Variants in SMURF1 observed in about 807,000 individuals in gnomAD.
SMURF1 encodes the protein E3 ubiquitin-protein ligase SMURF1.
In SMURF1, 44 loss-of-function variants were observed where a neutral mutation model predicts 98.0. That is an observed-to-expected ratio of 0.45 (90% CI 0.35 to 0.58). SMURF1 has a LOEUF of 0.58. SMURF1 is among the 20% of genes least tolerant of loss of function. The probability of loss-of-function intolerance (pLI) is 0.00; values close to 1 mark genes in which losing one functional copy is unlikely to be tolerated. For synonymous variants in SMURF1, 396 were observed against 374.9 expected (o/e 1.06, Z -0.65); for missense variants, 687 against 938.4 (o/e 0.73, Z 3.50).
intron 1 of SMURF1, among the ~76,000 whole-genome samples, chr7:99,074,429 A>T (rs192906105): frequency 1.3e-5 from 2 of 152,352 alleles, no homozygotes; most frequent in Admixed American, 6.5e-5. Flanking sequence ...TGATGGGGGA[A>T]AAAAGATAGC....
chr7:99,086,316 A>C (rs995048977), intron 1 of SMURF1, among the ~76,000 whole-genome samples: 3 of 151,998 alleles, frequency 2.0e-5, no homozygotes, highest in African/African-American at 7.3e-5. Context: ...ATTGCACTCC[A>C]GTCTGGGCAA....
chr7:99,032,704 A>T (rs2150489986), intron 17 of SMURF1, among the ~76,000 whole-genome samples: 1 of 152,338 alleles, frequency 6.6e-6, no homozygotes, highest in Non-Finnish European at 1.5e-5. Flanking sequence ...ATCTATATTT[A>T]AATTTTAGGT....
intron 1 of SMURF1, among the ~76,000 whole-genome samples, chr7:99,120,458 C>T (rs1022362810): frequency 2.6e-5 from 4 of 152,120 alleles, no homozygotes; most frequent in Non-Finnish European, 5.9e-5. Flanking sequence ...CCCTCAGAGT[C>T]GTGATTGTTT....
intron 10 of SMURF1, 158 bp downstream of exon 10, chr7:99,047,526 A>C: frequency 1.4e-6 from 1 of 724,454 alleles, no homozygotes. Flanking sequence ...AATACCTCAA[A>C]TACCAAACAG....
chr7:99,065,917 G>A (rs1471731662), intron 1 of SMURF1, among the ~76,000 whole-genome samples: 5 of 152,068 alleles, frequency 3.3e-5, no homozygotes, highest in African/African-American at 9.7e-5. Flanking sequence ...GTGGAGGTGC[G>A]TGCCTGTAGT....
intron 1 of SMURF1, among the ~76,000 whole-genome samples, chr7:99,067,448 C>T (rs1269501172): frequency 6.6e-6 from 1 of 152,122 alleles, no homozygotes; most frequent in Non-Finnish European, 1.5e-5. Flanking sequence ...CCCTGAAGCA[C>T]CCCTCTACCT....
chr7:99,040,449 C>G lies in SMURF1; in HGVS notation c.1479G>C (p.Leu493=), dbSNP rs755789629. 6.3e-7 allele frequency: 1 copy of G among 1,595,378 alleles called. No homozygotes were observed. Among genetic ancestry groups the G allele is most frequent in the East Asian group, 2.3e-5 (1 of 43,398 alleles). ...GATCTGAGAGCTGGATGGGCTTCCCCAGCAGCTGCTTGTAGAAGGGCACTG... is the reference window on the plus strand; with the variant it reads ...GATCTGAGAGCTGGATGGGCTTCCCGAGCAGCTGCTTGTAGAAGGGCACTG... ...GFTVPFYKQL[L]GKPIQLSDLE... The change falls in exon 13 of 18, where the codon CTG becomes CTC. Residue 493 remains leucine (L), a synonymous_variant. Coordinates refer to ENST00000361368, the MANE Select transcript of SMURF1 (RefSeq NM_181349.3).
chr7:99,128,405 C>T (rs927760461), intron 1 of SMURF1, among the ~76,000 whole-genome samples: 4 of 151,790 alleles, frequency 2.6e-5, no homozygotes, highest in East Asian at 1.9e-4. Context: ...CAAGCCTTTA[C>T]AAAAAAAACA....
At chr7:99,111,954 G>A (rs530469495) in intron 1 of SMURF1, among the ~76,000 whole-genome samples, 1 of 152,310 alleles carries the variant, frequency 6.6e-6, no homozygotes, top group East Asian at 1.9e-4. Flanking sequence ...TACAGGGGAG[G>A]AGAGGTGGGG....
intron 1 of SMURF1, among the ~76,000 whole-genome samples, chr7:99,073,336 G>A (rs1025919236): frequency 6.7e-6 from 1 of 149,066 alleles, no homozygotes; most frequent in East Asian, 2.0e-4. Flanking sequence ...TCCAGATCAC[G>A]CAACTGCACT....
At chr7:99,069,001 T>A (rs991414166) in intron 1 of SMURF1, among the ~76,000 whole-genome samples, 1 of 152,204 alleles carries the variant, frequency 6.6e-6, no homozygotes, top group African/African-American at 2.4e-5. Flanking sequence ...AAGGACAATG[T>A]AAGCGGGGTT....
chr7:99,046,789 A>G (rs1201233051), intron 10 of SMURF1, among the ~76,000 whole-genome samples: 2 of 152,044 alleles, frequency 1.3e-5, no homozygotes. Context: ...CCAAGAGGGA[A>G]AGAGGAAACG....
At chr7:99,039,292 C>G (rs1795279221) in intron 13 of SMURF1, among the ~76,000 whole-genome samples, 1 of 150,782 alleles carries the variant, frequency 6.6e-6, no homozygotes, top group Non-Finnish European at 1.5e-5. Context: ...AAAGTGAAAA[C>G]TAGCTCTTGA....
chr7:99,113,837 TAAAAAAAAAAAAAAAAAA>T (rs71118659), intron 1 of SMURF1, among the ~76,000 whole-genome samples: 1 of 33,974 alleles, frequency 2.9e-5, no homozygotes, highest in Non-Finnish European at 4.7e-5. Flanking sequence ...AGACTCCGTC[TAAAAAAAAAAAAAAAAAA>T]AAAAAAAAAA....
chr7:99,034,183 C>T (rs3801241), intron 16 of SMURF1, among the ~76,000 whole-genome samples: 12,103 of 152,184 alleles, frequency 0.08, 538 homozygotes, highest in East Asian at 0.21. Flanking sequence ...CAGGTGAGGG[C>T]CTTCAGAGAC....
chr7:99,082,560 TCTATTGACCTCTATATCTACG>T (rs1796595252), intron 1 of SMURF1, among the ~76,000 whole-genome samples: 1 of 152,234 alleles, frequency 6.6e-6, no homozygotes, highest in African/African-American at 2.4e-5. Context: ...CGAAGTCTAT[TCTATTGACCTCTATATCTACG>T]CTACTGTCAG....
intron 1 of SMURF1, among the ~76,000 whole-genome samples, chr7:99,062,633 G>T (rs911986782): frequency 1.3e-5 from 2 of 152,144 alleles, no homozygotes; most frequent in East Asian, 3.9e-4. Flanking sequence ...CAGATCACCT[G>T]AGGTCAGGAG....
intron 1 of SMURF1, among the ~76,000 whole-genome samples, chr7:99,091,864 C>T (rs781756904): frequency 1.4e-4 from 22 of 152,168 alleles, no homozygotes; most frequent in Non-Finnish European, 2.2e-4. Flanking sequence ...ATTACTTTTG[C>T]ACCAGCCTAA....
At chr7:99,130,825 CT>C (rs780817060) in intron 1 of SMURF1, among the ~76,000 whole-genome samples, 3 of 152,174 alleles carry the variant, frequency 2.0e-5, no homozygotes, top group African/African-American at 7.2e-5. Context: ...GACTAACCCC[CT>C]GATTAGATTC....
Sources: allele counts gnomAD v4.1 joint callset (sites outside exome capture counted in the v4.1 genomes callset), GRCh38; gene constraint gnomAD v4.1.1; transcripts MANE v1.5; gene names NCBI Gene and HGNC (gene_info 2026-07-23, HGNC 2026-07-21).